CSMD1: variants seen among roughly 807,000 people sequenced by gnomAD.
The protein encoded by CSMD1 is CUB and Sushi multiple domains 1.
Under a neutral mutation model 417.5 loss-of-function variants are expected in CSMD1, and 213 were observed. The ratio of observed to expected loss-of-function variants is 0.51; its 90% CI spans 0.46 to 0.57. The LOEUF is 0.57. Among genes scored for constraint, CSMD1 ranks in the 20% least tolerant of loss-of-function variants. The pLI, the probability that CSMD1 is intolerant of heterozygous loss-of-function variation, is 0.00. For missense variants in CSMD1, 6,923 were observed against 4,529.7 expected (o/e 1.53, Z -15.17); for synonymous variants, 2,862 against 1,736.8 (o/e 1.65, Z -16.11).
intron 20 of CSMD1, among the ~76,000 whole-genome samples, chr8:3,363,683 A>G (rs1232784839): frequency 6.6e-6 from 1 of 152,182 alleles, no homozygotes; most frequent in East Asian, 1.9e-4. Flanking sequence ...GCCTGCCACC[A>G]AGGCTTTTGA....
In CSMD1 at chr8:4,274,435, AC is replaced by A. The variant is rs376949889; in HGVS notation, c.415+145517del. On this transcript the variant is annotated intron_variant, in intron 3 of 69. Transcript: ENST00000635120. The stretch of plus-strand genomic sequence containing the variant: ...TGTCTCTGGTGCCCAAGAGTTGCAA[AC>A]GCATTATTGATTAATCGTCAGCACA... Among the ~76,000 whole-genome samples, 108 of 152,262 alleles carry A rather than the reference AC, an allele frequency of 7.1e-4. No individual in the cohort carries two copies. In the South Asian group the frequency reaches 0.022, roughly 31 times the overall value.
chr8:3,487,019 C>T (rs80111625), intron 11 of CSMD1, among the ~76,000 whole-genome samples: 3,873 of 152,192 alleles, frequency 0.025, 182 homozygotes, highest in East Asian at 0.11. Context: ...GAACCTCTCA[C>T]ACACAGAAGG....
chr8:3,520,500 A>T (rs1429270156), intron 10 of CSMD1, among the ~76,000 whole-genome samples: 2 of 152,294 alleles, frequency 1.3e-5, no homozygotes, highest in Non-Finnish European at 2.9e-5. Flanking sequence ...TAAAATGTTT[A>T]TTATCTTGTC....
At chr8:4,436,043 C>T (rs1798131702) in intron 2 of CSMD1, among the ~76,000 whole-genome samples, 1 of 152,220 alleles carries the variant, frequency 6.6e-6, no homozygotes, top group African/African-American at 2.4e-5. Flanking sequence ...AAGACCCAAT[C>T]AAGATCATTC....
chr8:3,250,452 C>T (rs1331445680), intron 26 of CSMD1, among the ~76,000 whole-genome samples: 1 of 152,176 alleles, frequency 6.6e-6, no homozygotes, highest in Admixed American at 6.5e-5. Context: ...TTAATCCAGT[C>T]TGTCATTGTT....
intron 3 of CSMD1, among the ~76,000 whole-genome samples, chr8:4,337,055 A>G (rs1800214959): frequency 6.6e-6 from 1 of 152,092 alleles, no homozygotes; most frequent in African/African-American, 2.4e-5. Flanking sequence ...CACACATTGC[A>G]TTCTGCATCT....
At chr8:4,114,080 A>G (rs1274219291) in intron 3 of CSMD1, among the ~76,000 whole-genome samples, 2 of 152,346 alleles carry the variant, frequency 1.3e-5, no homozygotes, top group South Asian at 2.1e-4. Flanking sequence ...TGTAGACAAA[A>G]CAGCCTTATG....
chr8:4,329,492 TG>T (rs936097085), intron 3 of CSMD1, among the ~76,000 whole-genome samples: 1 of 152,168 alleles, frequency 6.6e-6, no homozygotes, highest in Non-Finnish European at 1.5e-5. Context: ...TTCACCACGT[TG>T]GCCAGGCCAG....
At position 4,406,234 on chromosome 8, in the gene CSMD1, ATGGTGCAAGTGGCTCTCC is replaced by A. The variant is rs559065127; in HGVS notation, c.415+13701_415+13718del. 6.6e-5 allele frequency among the ~76,000 whole-genome samples: 10 copies of A among 152,208 alleles called. No individual in the cohort carries two copies. The East Asian group carries it at 1.9e-3, about 30-fold the overall frequency. On this transcript the variant is annotated intron_variant, in intron 3 of 69. Transcript: ENST00000635120. ...GTAATGTGCTCCAAAGTCCCCCCAA[ATGGTGCAAGTGGCTCTCC>A]TGGTGCATTTGCCCTCAGATAGTGC...
At chr8:4,802,616 G>A (rs886367415) in intron 1 of CSMD1, among the ~76,000 whole-genome samples, 25 of 152,034 alleles carry the variant, frequency 1.6e-4, no homozygotes, top group African/African-American at 5.3e-4. Context: ...AATGACTCTA[G>A]GTATCCTGTC....
chr8:3,483,244 G>C (rs1004054258), intron 11 of CSMD1, among the ~76,000 whole-genome samples: 32 of 151,964 alleles, frequency 2.1e-4, no homozygotes, highest in African/African-American at 7.2e-4. Flanking sequence ...CAGAAAAAGA[G>C]AAAGGGAGAG....
intron 30 of CSMD1, among the ~76,000 whole-genome samples, chr8:3,210,778 C>T (rs1357484716): frequency 6.6e-6 from 1 of 151,188 alleles, no homozygotes; most frequent in Non-Finnish European, 1.5e-5. Flanking sequence ...ATACTTTACC[C>T]ATGCTTTTTC....
At chr8:3,744,295 G>C (rs765294875) in intron 6 of CSMD1, among the ~76,000 whole-genome samples, 2 of 152,078 alleles carry the variant, frequency 1.3e-5, no homozygotes, top group Admixed American at 1.3e-4. Flanking sequence ...AAGGCGGATG[G>C]GGACACAGCA....
chr8:4,324,211 T>G (rs1265013792), intron 3 of CSMD1, among the ~76,000 whole-genome samples: 12 of 152,234 alleles, frequency 7.9e-5, no homozygotes, highest in African/African-American at 2.9e-4. Context: ...GTCATCGGAA[T>G]GTATGATGCA....
intron 3 of CSMD1, among the ~76,000 whole-genome samples, chr8:4,039,075 A>G (rs1189461703): frequency 6.6e-6 from 1 of 152,090 alleles, no homozygotes; most frequent in Non-Finnish European, 1.5e-5. Context: ...ATTAATATTC[A>G]TTACTACATG....
At chr8:4,973,379 A>T (rs1253215825) in intron 1 of CSMD1, among the ~76,000 whole-genome samples, 1 of 152,138 alleles carries the variant, frequency 6.6e-6, no homozygotes, top group Non-Finnish European at 1.5e-5. Flanking sequence ...TTTTTGTGAA[A>T]TTTACTTATA....
intron 10 of CSMD1, among the ~76,000 whole-genome samples, chr8:3,530,996 G>A (rs1797956990): frequency 1.3e-5 from 2 of 151,296 alleles, no homozygotes; most frequent in Non-Finnish European, 2.9e-5. Flanking sequence ...GGGACTGCAG[G>A]CACACACCAC....
chr8:3,720,110 T>C (rs1802066673), intron 6 of CSMD1, among the ~76,000 whole-genome samples: 1 of 152,218 alleles, frequency 6.6e-6, no homozygotes, highest in Admixed American at 6.5e-5. Flanking sequence ...ACATTCAACG[T>C]GGAATGTTAA....
chr8:4,387,018 C>T lies in CSMD1; in HGVS notation c.415+32935G>A, dbSNP rs193225104. On this transcript the variant is annotated intron_variant, in intron 3 of 69. Transcript: ENST00000635120. Reference sequence around the variant, plus strand: ...AGTAATCGGCTTCATTTGAAAGGGACTGAGTTTGAGATACATGGGGGATAT... The same window carrying T: ...AGTAATCGGCTTCATTTGAAAGGGATTGAGTTTGAGATACATGGGGGATAT... Among the ~76,000 whole-genome samples, 781 of 152,168 alleles carry T rather than the reference C, an allele frequency of 5.1e-3. 3 individuals carry two copies. The highest frequency in any genetic ancestry group is 0.01 in the Middle Eastern group (3 of 294).
Sources: allele counts gnomAD v4.1 joint callset (sites outside exome capture counted in the v4.1 genomes callset), GRCh38; gene constraint gnomAD v4.1.1; transcripts MANE v1.5; gene names NCBI Gene and HGNC (gene_info 2026-07-23, HGNC 2026-07-21).